CNTNAP4: variants seen among roughly 807,000 people sequenced by gnomAD.
CNTNAP4 encodes the protein contactin associated protein family member 4, also known as contactin-associated protein-like 4.
CNTNAP4 carries 98 observed loss-of-function variants against 148.4 expected under a neutral mutation model. The ratio of observed to expected loss-of-function variants is 0.66; its 90% CI spans 0.56 to 0.78. CNTNAP4 has a LOEUF of 0.78. Among genes scored for constraint, CNTNAP4 ranks in the 30% least tolerant of loss-of-function variants. CNTNAP4 has a pLI of 0.00. For synonymous variants in CNTNAP4, 730 were observed against 565.1 expected (o/e 1.29, Z -4.14); for missense variants, 1,935 against 1,565.6 (o/e 1.24, Z -3.98).
At chr16:76,314,772 C>G (rs1438211999) in intron 1 of CNTNAP4, among the ~76,000 whole-genome samples, 1 of 152,118 alleles carries the variant, frequency 6.6e-6, no homozygotes, top group African/African-American at 2.4e-5. Context: ...GATGGTGTCA[C>G]TCTGGTTCTA....
intron 10 of CNTNAP4, among the ~76,000 whole-genome samples, chr16:76,471,748 C>G (rs1380623870): frequency 6.6e-6 from 1 of 152,174 alleles, no homozygotes; most frequent in Non-Finnish European, 1.5e-5. Context: ...TATTCCGCCT[C>G]CTGTAATACT....
At chr16:76,479,105 T>G (rs1249452926) in intron 11 of CNTNAP4, among the ~76,000 whole-genome samples, 2 of 152,124 alleles carry the variant, frequency 1.3e-5, no homozygotes, top group African/African-American at 4.8e-5. Flanking sequence ...GGCTCCAACA[T>G]TTAAACACCT....
At chr16:76,343,746 T>A (rs887429279) in intron 2 of CNTNAP4, among the ~76,000 whole-genome samples, 44 of 144,492 alleles carry the variant, frequency 3.0e-4, no homozygotes, top group African/African-American at 1.0e-3. Context: ...CTTCATTTTT[T>A]TTTTGTCTGA....
At chr16:76,424,406 C>A (rs1407925431) in intron 3 of CNTNAP4, among the ~76,000 whole-genome samples, 17 of 152,120 alleles carry the variant, frequency 1.1e-4, no homozygotes, top group Admixed American at 1.1e-3. Flanking sequence ...ATAAGAAGAT[C>A]TAAGATCCTC....
chr16:76,549,590 A>G (rs2144371944), intron 21 of CNTNAP4, among the ~76,000 whole-genome samples: 1 of 152,358 alleles, frequency 6.6e-6, no homozygotes, highest in East Asian at 1.9e-4. Context: ...AGACAACAAC[A>G]TGAATGAGGC....
Position 76,387,254 on chromosome 16 carries a change from A to AAATCCATT in CNTNAP4, c.390+31745_390+31752dup, listed in dbSNP as rs1268931751. ...CCGATAAGTGATATCACAAATTTGA[A>AAATCCATT]AATCCATTAGGACACACAGCAATGA... On this transcript the variant is annotated intron_variant, in intron 3 of 23. Coordinates refer to ENST00000611870, the MANE Select transcript of CNTNAP4 (RefSeq NM_033401.5). 2.0e-5 allele frequency among the ~76,000 whole-genome samples: 3 copies of AAATCCATT among 152,352 alleles called. No individual in the cohort carries two copies. The East Asian group carries it at 5.8e-4, about 29-fold the overall frequency.
intron 2 of CNTNAP4, among the ~76,000 whole-genome samples, chr16:76,342,465 C>CTTTTTTTTTTTTTTTTTTT (rs397854943): frequency 1.1e-5 from 1 of 91,490 alleles, no homozygotes; most frequent in Non-Finnish European, 2.0e-5. Flanking sequence ...TTGCTAATTT[C>CTTTTTTTTTTTTTTTTTTT]TTTTTTTTTT....
At chr16:76,481,580 C>T (rs1466385362) in intron 12 of CNTNAP4, among the ~76,000 whole-genome samples, 1 of 151,920 alleles carries the variant, frequency 6.6e-6, no homozygotes, top group African/African-American at 2.4e-5. Flanking sequence ...TAATAGCCTC[C>T]CGGGGCTAGT....
intron 3 of CNTNAP4, among the ~76,000 whole-genome samples, chr16:76,387,861 C>G (rs570509724): frequency 6.6e-6 from 1 of 152,030 alleles, no homozygotes; most frequent in Non-Finnish European, 1.5e-5. Flanking sequence ...AAGTGATTGC[C>G]GTTATTTTTG....
intron 1 of CNTNAP4, among the ~76,000 whole-genome samples, chr16:76,303,679 A>G (rs1258020492): frequency 6.6e-6 from 1 of 152,186 alleles, no homozygotes; most frequent in African/African-American, 2.4e-5. Context: ...TGGCTGTTTG[A>G]TTTCTGCATC....
At chr16:76,337,050 C>T (rs556269693) in intron 2 of CNTNAP4, among the ~76,000 whole-genome samples, 1 of 152,302 alleles carries the variant, frequency 6.6e-6, no homozygotes, top group African/African-American at 2.4e-5. Flanking sequence ...ACTAAACTAT[C>T]TTCTCATAAA....
intron 3 of CNTNAP4, among the ~76,000 whole-genome samples, chr16:76,378,079 C>A (rs2015606865): frequency 6.6e-6 from 1 of 152,128 alleles, no homozygotes; most frequent in Non-Finnish European, 1.5e-5. Context: ...TCTCAATTCT[C>A]ATTTTATAAC....
In CNTNAP4 at chr16:76,472,115, C is replaced by A. The variant is rs140322679; in HGVS notation, c.1656-3824C>A. ...ATGGCAATGTCCAAGGAAAAGCTTTCGTGGCTAGAGAAAATGGGTTAATCA... is the reference window on the plus strand; with the variant it reads ...ATGGCAATGTCCAAGGAAAAGCTTTAGTGGCTAGAGAAAATGGGTTAATCA... On this transcript the variant is annotated intron_variant, in intron 10 of 23. Transcript: ENST00000611870. Among the ~76,000 whole-genome samples, 51 of 151,982 alleles carry A rather than the reference C, an allele frequency of 3.4e-4. 1 individual carries two copies. The highest frequency in any genetic ancestry group is 1.2e-3 in the African/African-American group (48 of 41,380).
chr16:76,409,587 A>G (rs1474930511), intron 3 of CNTNAP4, among the ~76,000 whole-genome samples: 1 of 152,058 alleles, frequency 6.6e-6, no homozygotes, highest in East Asian at 1.9e-4. Flanking sequence ...AAACTAGTTA[A>G]AAAGAAAATA....
intron 3 of CNTNAP4, among the ~76,000 whole-genome samples, chr16:76,368,539 G>A (rs976460859): frequency 3.9e-5 from 6 of 152,204 alleles, no homozygotes; most frequent in African/African-American, 1.4e-4. Context: ...GGATGAAGCT[G>A]GAAACCATCA....
intron 15 of CNTNAP4, among the ~76,000 whole-genome samples, chr16:76,516,395 A>C (rs756184208): frequency 6.6e-6 from 1 of 152,220 alleles, no homozygotes; most frequent in Non-Finnish European, 1.5e-5. Context: ...TAGTGCTGCA[A>C]TAAACATACA....
rs971016388 is a variant in CNTNAP4 at position 76,391,137 on chromosome 16, C to G, written c.390+35626C>G. Among the ~76,000 whole-genome samples the G allele has an allele frequency of 1.1e-3, 166 of 152,274 alleles. 1 individual carries two copies. Among genetic ancestry groups the G allele is most frequent in the African/African-American group, 3.8e-3 (159 of 41,554 alleles). On this transcript the variant is annotated intron_variant, in intron 3 of 23. Coordinates refer to ENST00000611870, the MANE Select transcript of CNTNAP4 (RefSeq NM_033401.5). ...ATGGTTTTGTACACATTAACTATCCCTACCTAGCCCCCCACTACCCTTCCC... is the reference window on the plus strand; with the variant it reads ...ATGGTTTTGTACACATTAACTATCCGTACCTAGCCCCCCACTACCCTTCCC...
At chr16:76,439,908 T>TA (rs2079970916) in intron 4 of CNTNAP4, among the ~76,000 whole-genome samples, 1 of 152,302 alleles carries the variant, frequency 6.6e-6, no homozygotes, top group South Asian at 2.1e-4. Context: ...TCCATTGCTT[T>TA]AAAAAACCAG....
intron 15 of CNTNAP4, among the ~76,000 whole-genome samples, chr16:76,511,896 G>C (rs2083042538): frequency 6.6e-6 from 1 of 151,786 alleles, no homozygotes; most frequent in Non-Finnish European, 1.5e-5. Context: ...TACAGTAGAA[G>C]CTGGTAAGAG....
Sources: gnomAD v4.1 joint callset for allele counts (sites outside exome capture counted in the v4.1 genomes callset) on GRCh38, gnomAD v4.1.1 for gene constraint, MANE v1.5 for transcripts, NCBI Gene and HGNC (gene_info 2026-07-23, HGNC 2026-07-21) for gene names.